Variants in KIF15 observed in about 807,000 individuals in gnomAD.
The protein encoded by KIF15 is kinesin family member 15, also known as kinesin-like protein KIF15.
A neutral mutation model predicts 190.6 loss-of-function variants in KIF15; 140 were observed. The observed-to-expected ratio is 0.73, with a 90% CI of 0.64 to 0.84. The LOEUF is 0.84. Among genes scored for constraint, KIF15 ranks in the 40% least tolerant of loss-of-function variants. KIF15 has a pLI of 0.00. For synonymous variants in KIF15, 528 were observed against 551.3 expected (o/e 0.96, Z 0.59); for missense variants, 1,372 against 1,584.4 (o/e 0.87, Z 2.28).
rs1309894579 is a variant in KIF15, at chr3:44,852,924, C to T, written c.*189C>T. ...GCATCCATATACACCCTGTGACAGT[C>T]AGCAGTCTGCTATTAAGTGGCCTAC... On this transcript the variant is annotated 3_prime_UTR_variant, in exon 35 of 35. Transcript: ENST00000326047. 2.0e-5 allele frequency: 9 copies of T among 441,240 alleles called. No homozygotes were observed. Among genetic ancestry groups the T allele is most frequent in the Non-Finnish European group, 3.2e-5 (8 of 253,938 alleles). 27.3% of individuals were successfully genotyped at this position (441,240 alleles called of 1,614,324 possible). A position where few individuals can be genotyped will look rare whatever the true frequency, so the allele number is the denominator to read the frequency against.
At chr3:44,795,364 G>T (rs1706925498) in intron 8 of KIF15, among the ~76,000 whole-genome samples, 4 of 152,160 alleles carry the variant, frequency 2.6e-5, no homozygotes, top group Admixed American at 2.0e-4. Flanking sequence ...CTCAATGGAT[G>T]GGTTGGTTAG....
intron 1 of KIF15, among the ~76,000 whole-genome samples, chr3:44,767,403 A>T (rs1369019640): frequency 6.6e-6 from 1 of 152,232 alleles, no homozygotes; most frequent in Admixed American, 6.5e-5. Context: ...ATTGGATACG[A>T]AGAGTGAGAA....
intron 31 of KIF15, 151 bp from the exon 32 acceptor site, chr3:44,848,370 T>C (rs977797594): frequency 7.8e-5 from 44 of 561,482 alleles, no homozygotes; most frequent in Non-Finnish European, 1.3e-4. Context: ...GTACTTACTT[T>C]ATGTATGTGT....
chr3:44,795,705 C>T (rs75368840), intron 8 of KIF15, among the ~76,000 whole-genome samples: 1,923 of 151,152 alleles, frequency 0.013, 36 homozygotes, highest in African/African-American at 0.043. Flanking sequence ...TATAGTAATA[C>T]GAATTGTCAA....
intron 3 of KIF15, 140 bp from the exon 4 acceptor site, chr3:44,777,975 T>A (rs536665529): frequency 1.0e-5 from 7 of 684,986 alleles, no homozygotes; most frequent in African/African-American, 8.8e-5. Flanking sequence ...TTGAATCATC[T>A]TAGATAGTTT....
chr3:44,837,085 A>C (rs781629547), intron 26 of KIF15, among the ~76,000 whole-genome samples: 3 of 152,208 alleles, frequency 2.0e-5, no homozygotes, highest in Non-Finnish European at 2.9e-5. Context: ...CTTACGTTTT[A>C]AGACTGGGAG....
At chr3:44,856,337 G>A (rs377021958), downstream of KIF15, among the ~76,000 whole-genome samples, 21 of 152,240 alleles carry the variant, frequency 1.4e-4, no homozygotes, top group East Asian at 1.7e-3. Context: ...CAATCCCTGC[G>A]GAGTAGCAGA....
chr3:44,777,200 G>A (rs1013907331), intron 3 of KIF15, among the ~76,000 whole-genome samples: 9 of 151,762 alleles, frequency 5.9e-5, no homozygotes, highest in African/African-American at 1.9e-4. Context: ...GTCTTACTAT[G>A]TTCCCTAGGC....
chr3:44,770,374 TA>T (rs1448922415), intron 1 of KIF15, among the ~76,000 whole-genome samples: 3 of 152,232 alleles, frequency 2.0e-5, no homozygotes, highest in African/African-American at 7.2e-5. Context: ...TAGGACTTTC[TA>T]AAGCTGAACC....
intron 6 of KIF15, among the ~76,000 whole-genome samples, chr3:44,867,793 G>A (rs1575704495): frequency 4.6e-5 from 7 of 152,314 alleles, no homozygotes; most frequent in Admixed American, 6.5e-5. Flanking sequence ...AACGTTCACT[G>A]TATTTATTTT....
chr3:44,844,256 T>C (rs960863858), intron 30 of KIF15, among the ~76,000 whole-genome samples: 1 of 152,180 alleles, frequency 6.6e-6, no homozygotes, highest in Non-Finnish European at 1.5e-5. Flanking sequence ...AGGATGGTAA[T>C]GGTGGCTATG....
intron 16 of KIF15, among the ~76,000 whole-genome samples, chr3:44,807,369 C>T (rs560435473): frequency 1.3e-5 from 2 of 151,946 alleles, no homozygotes; most frequent in African/African-American, 4.8e-5. Context: ...GGATTCCAGG[C>T]GCCTGCCCCA....
At chr3:44,792,282 C>T (rs12054206) in intron 7 of KIF15, among the ~76,000 whole-genome samples, 1 of 151,828 alleles carries the variant, frequency 6.6e-6, no homozygotes, top group Non-Finnish European at 1.5e-5. Context: ...TCAAGACCAG[C>T]CTGGCCAACA....
intron 1 of KIF15, among the ~76,000 whole-genome samples, chr3:44,768,135 G>A (rs750342198): frequency 1.3e-5 from 2 of 151,512 alleles, no homozygotes; most frequent in African/African-American, 2.4e-5. Flanking sequence ...TTAGCCAGGC[G>A]TGGTGGTGCA....
At chr3:44,766,708 T>A (rs970093076) in intron 1 of KIF15, among the ~76,000 whole-genome samples, 5 of 152,290 alleles carry the variant, frequency 3.3e-5, no homozygotes, top group African/African-American at 4.8e-5. Context: ...ACTTTCTTGA[T>A]GAATTTTCAT....
In KIF15 at chr3:44,839,372, C is replaced by CA. The variant is rs551942287; in HGVS notation, c.3318+961dup. Among the ~76,000 whole-genome samples, 455 of 137,296 alleles carry CA rather than the reference C, an allele frequency of 3.3e-3. 6 individuals are homozygous for CA. The highest frequency in any genetic ancestry group is 4.4e-3 in the Non-Finnish European group (275 of 63,004). The allele number at this position is 137,296 out of a possible 152,430, so 90.1% of individuals were successfully genotyped here. A position where few individuals can be genotyped will look rare whatever the true frequency, so the allele number is the denominator to read the frequency against. The stretch of plus-strand genomic sequence containing the variant: ...TGGGCGACAGAGAGAGACTCCATCT[C>CA]AAAAAAAAAAGAAAAGAAAAGGAGA... On this transcript the variant is annotated intron_variant, in intron 27 of 34. Transcript: ENST00000326047.
chr3:44,828,162 G>A (rs1341117227), intron 23 of KIF15, 52 bp from the exon 24 acceptor site: 2 of 1,308,726 alleles, frequency 1.5e-6, no homozygotes, highest in African/African-American at 2.9e-5. Context: ...TGTGTGTATG[G>A]TTAACTTTGC....
At chr3:44,785,291 A>T (rs1291759560) in intron 6 of KIF15, among the ~76,000 whole-genome samples, 1 of 152,260 alleles carries the variant, frequency 6.6e-6, no homozygotes, top group Non-Finnish European at 1.5e-5. Flanking sequence ...TAATACACTA[A>T]GCCTAATCAT....
At chr3:44,820,990 C>A (rs1475820272) in intron 20 of KIF15, among the ~76,000 whole-genome samples, 13 of 146,396 alleles carry the variant, frequency 8.9e-5, no homozygotes, top group African/African-American at 2.6e-4. Flanking sequence ...CTGACCCCCC[C>A]ACCTCCCTCC....
Sources: gnomAD v4.1 joint callset for allele counts (sites outside exome capture counted in the v4.1 genomes callset) on GRCh38, gnomAD v4.1.1 for gene constraint, MANE v1.5 for transcripts, NCBI Gene and HGNC (gene_info 2026-07-23, HGNC 2026-07-21) for gene names.